The following TTC13 variants were observed in gnomAD, a reference collection of about 807,000 sequenced individuals.
TTC13 encodes the protein tetratricopeptide repeat domain 13.
Under a neutral mutation model 120.0 loss-of-function variants are expected in TTC13, and 62 were observed. The observed-to-expected ratio is 0.52, with a 90% confidence interval of 0.42 to 0.64. The LOEUF is 0.64. Ranked by LOEUF, TTC13 falls within the 30% of genes least tolerant of loss-of-function variation. The pLI, the probability that TTC13 is intolerant of heterozygous loss-of-function variation, is 0.00. For missense variants in TTC13, 824 were observed against 1,050.2 expected (o/e 0.78, Z 2.98); for synonymous variants, 384 against 393.5 (o/e 0.98, Z 0.28).
intron 4 of TTC13, among the ~76,000 whole-genome samples, chr1:230,946,930 C>T (rs1306088735): frequency 6.6e-6 from 1 of 152,054 alleles, no homozygotes. Flanking sequence ...TTTCATAAAT[C>T]ATACTTATAC....
chr1:230,909,316 G>A (rs762919637), intron 20 of TTC13, among the ~76,000 whole-genome samples: 3 of 151,302 alleles, frequency 2.0e-5, no homozygotes, highest in African/African-American at 4.9e-5. Context: ...GCAACATGGC[G>A]AAACCCTGTC....
chr1:230,975,112 C>A (rs547219708), intron 1 of TTC13, among the ~76,000 whole-genome samples: 1 of 151,928 alleles, frequency 6.6e-6, no homozygotes, highest in East Asian at 1.9e-4. Flanking sequence ...CGGTGTCTCA[C>A]GTCTGTAATC....
chr1:230,959,149 A>G (rs1676384190), intron 2 of TTC13, among the ~76,000 whole-genome samples: 1 of 152,266 alleles, frequency 6.6e-6, no homozygotes, highest in Admixed American at 6.5e-5. Context: ...TAAATTGCTT[A>G]GAGGCAAGAA....
chr1:230,972,510 A>G (rs1395017895), intron 1 of TTC13, among the ~76,000 whole-genome samples: 1 of 152,218 alleles, frequency 6.6e-6, no homozygotes. Flanking sequence ...AAACAAAATG[A>G]CCTCTTTAAA....
At chr1:230,966,937 T>C (rs998074169) in intron 1 of TTC13, among the ~76,000 whole-genome samples, 2 of 152,124 alleles carry the variant, frequency 1.3e-5, no homozygotes, top group African/African-American at 4.8e-5. Context: ...AATGGGGACC[T>C]GAGGGAAATT....
chr1:230,967,887 C>T (rs142817306), intron 1 of TTC13, among the ~76,000 whole-genome samples: 457 of 152,284 alleles, frequency 3.0e-3, no homozygotes, highest in Non-Finnish European at 4.1e-3. Context: ...TTGCTTACGT[C>T]GTACAAGTAA....
At chr1:230,909,617 C>T (rs989111570) in intron 20 of TTC13, among the ~76,000 whole-genome samples, 2 of 152,156 alleles carry the variant, frequency 1.3e-5, no homozygotes, top group Non-Finnish European at 2.9e-5. Flanking sequence ...TGCATGTATA[C>T]AATAAAGTTC....
At chr1:230,950,667 T>C (rs1048584380) in intron 4 of TTC13, among the ~76,000 whole-genome samples, 3 of 152,242 alleles carry the variant, frequency 2.0e-5, no homozygotes, top group Non-Finnish European at 4.4e-5. Flanking sequence ...TAAAATTCTA[T>C]GCAGAGGAAT....
rs573804248 is a variant in TTC13, at chr1:230,953,433, G to A, written c.513+900C>T. 1.4e-4 allele frequency among the ~76,000 whole-genome samples: 22 copies of A among 152,320 alleles called. No homozygotes were observed. The South Asian group carries it at 4.3e-3, about 30-fold the overall frequency. On this transcript the variant is annotated intron_variant, in intron 4 of 22. Coordinates refer to ENST00000366661, the MANE Select transcript of TTC13 (RefSeq NM_024525.5). ...ACGGTTAACACAGATGAATATACCA[G>A]AATGGTACTTTGACTAGCCAAAATT...
intron 1 of TTC13, 22 bp from the exon 2 acceptor site, chr1:230,961,325 T>C: frequency 1.3e-6 from 2 of 1,560,446 alleles, no homozygotes; most frequent in Non-Finnish European, 1.8e-6. Context: ...GCATTCTTTG[T>C]TATTCTCTAC....
Position 230,940,641 on chromosome 1 carries a change from A to C in TTC13, c.673-85T>G, listed in dbSNP as rs1674449885. On this transcript the variant is annotated intron_variant, in intron 6 of 22. Transcript: ENST00000366661. This position sits in a 1 kb window ranked among gnomAD's most constrained non-coding sequence, Gnocchi z 4.1. ...GTTTTTGACTCTTCAATTCCACCTC[A>C]CCATACTCCACTCAAAAATTACTCT... is the stretch of plus-strand genomic sequence containing the variant. 1.2e-6 allele frequency: 1 copy of C among 823,242 alleles called. No homozygotes were observed. Among genetic ancestry groups the C allele is most frequent in the East Asian group, 2.5e-5 (1 of 39,276 alleles). The allele number at this position is 823,242 out of a possible 1,614,324, so 51.0% of individuals were successfully genotyped here.
chr1:230,930,876 C>T (rs1201275322), intron 11 of TTC13, among the ~76,000 whole-genome samples: 1 of 152,248 alleles, frequency 6.6e-6, no homozygotes, highest in East Asian at 1.9e-4. Flanking sequence ...TGAGATTGCA[C>T]CACTGTACTC....
At chr1:230,972,041 T>C (rs1483312553) in intron 1 of TTC13, among the ~76,000 whole-genome samples, 1 of 152,184 alleles carries the variant, frequency 6.6e-6, no homozygotes, top group Non-Finnish European at 1.5e-5. Context: ...ACTGAGAACA[T>C]TGCAAACACC....
chr1:230,927,076 G>A (rs1249860627), intron 12 of TTC13, among the ~76,000 whole-genome samples: 3 of 152,114 alleles, frequency 2.0e-5, no homozygotes, highest in African/African-American at 7.2e-5. Context: ...TCGGTCATTT[G>A]TTTATACTGC....
At position 230,978,853 on chromosome 1, in the gene TTC13, A is replaced by G. The variant is rs1349909108; in HGVS notation, c.-23T>C. 2.1e-6 allele frequency: 3 copies of G among 1,450,178 alleles called. No individual in the cohort carries two copies. Among genetic ancestry groups the G allele is most frequent in the Non-Finnish European group, 2.7e-6 (3 of 1,112,048 alleles). The allele number at this position is 1,450,178 out of a possible 1,614,324, so 89.8% of individuals were successfully genotyped here. A position where few individuals can be genotyped will look rare whatever the true frequency, so the allele number is the denominator to read the frequency against. ...CATCTTCCCTCAAGGCGCATGCGCG[A>G]CAGCCCTTGCCCGGCTCTCAGGCCT... On this transcript the variant is annotated 5_prime_UTR_variant, in exon 1 of 23. Transcript: ENST00000366661. This position sits in a 1 kb window ranked among gnomAD's most constrained non-coding sequence, Gnocchi z 5.6.
At chr1:230,918,755 T>C (rs965082508) in intron 17 of TTC13, among the ~76,000 whole-genome samples, 1 of 152,190 alleles carries the variant, frequency 6.6e-6, no homozygotes, top group Non-Finnish European at 1.5e-5. Context: ...CCCAGGCAGA[T>C]GTGGGGCCTG....
At chr1:230,956,404 C>T (rs1375497677) in intron 3 of TTC13, 1 of 213,360 alleles carries the variant, frequency 4.7e-6, no homozygotes, top group Non-Finnish European at 9.7e-6. Context: ...AGCTCGGATT[C>T]TGGCTCTGCC....
chr1:230,936,080 C>T (rs965594128), intron 8 of TTC13: 1 of 423,346 alleles, frequency 2.4e-6, no homozygotes, highest in African/African-American at 2.0e-5. Context: ...GAATAACGAG[C>T]CCATCGGGGC....
At chr1:230,955,990 C>A (rs953908968) in intron 3 of TTC13, among the ~76,000 whole-genome samples, 5 of 152,162 alleles carry the variant, frequency 3.3e-5, no homozygotes, top group Admixed American at 1.3e-4. Context: ...AAAACAGCAG[C>A]AAGAATCACA....
Sources: gnomAD v4.1 joint callset for allele counts (sites outside exome capture counted in the v4.1 genomes callset) on GRCh38, gnomAD v4.1.1 for gene constraint, Gnocchi (gnomAD v3.1) non-coding constraint, MANE v1.5 for transcripts, NCBI Gene and HGNC (gene_info 2026-07-23, HGNC 2026-07-21) for gene names.